The following TLL1 variants were observed in gnomAD, a reference collection of about 807,000 sequenced individuals.
TLL1 encodes the protein tolloid-like protein 1.
In TLL1, 49 loss-of-function variants were observed where a neutral mutation model predicts 128.2. That is an observed-to-expected ratio of 0.38 (90% CI 0.30 to 0.48). The LOEUF is 0.48. Among genes scored for constraint, TLL1 ranks in the 20% least tolerant of loss-of-function variants. The pLI, the probability that TLL1 is intolerant of heterozygous loss-of-function variation, is 0.96. For missense variants in TLL1, 1,123 were observed against 1,242.0 expected (o/e 0.90, Z 1.44); for synonymous variants, 454 against 418.8 (o/e 1.08, Z -1.03).
chr4:165,972,771 G>T (rs1466788358), intron 1 of TLL1, among the ~76,000 whole-genome samples: 3 of 152,214 alleles, frequency 2.0e-5, no homozygotes, highest in Non-Finnish European at 4.4e-5. Context: ...CATGTCCATT[G>T]TGGTCAGTGA....
intron 12 of TLL1, among the ~76,000 whole-genome samples, chr4:166,046,916 T>G (rs1367796190): frequency 1.3e-5 from 2 of 152,204 alleles, no homozygotes; most frequent in Admixed American, 6.5e-5. Flanking sequence ...TTTATATATT[T>G]TCTTATTTGT....
chr4:166,016,366 A>G (rs140543161), intron 8 of TLL1, among the ~76,000 whole-genome samples: 5,715 of 152,186 alleles, frequency 0.038, 127 homozygotes, highest in Middle Eastern at 0.058. Context: ...TTTGTGTATA[A>G]AACTCTCTTG....
chr4:166,054,779 A>G (rs1013664906), intron 12 of TLL1, among the ~76,000 whole-genome samples: 22 of 152,034 alleles, frequency 1.4e-4, no homozygotes, highest in Non-Finnish European at 2.8e-4. Flanking sequence ...TATTGAATGA[A>G]GAATTTCTAC....
intron 1 of TLL1, among the ~76,000 whole-genome samples, chr4:165,966,108 G>C (rs753569324): frequency 5.3e-4 from 81 of 151,642 alleles, no homozygotes; most frequent in Non-Finnish European, 1.1e-3. Flanking sequence ...AACCTGGGAG[G>C]TGGAGGTTGC....
chr4:166,014,624 C>A (rs1338247160), intron 8 of TLL1, 64 bp downstream of exon 8: 1 of 1,598,778 alleles, frequency 6.3e-7, no homozygotes, highest in East Asian at 2.2e-5. Context: ...GATGAATAAG[C>A]CATGATTTAC....
At chr4:166,054,370 A>G (rs1240530647) in intron 12 of TLL1, among the ~76,000 whole-genome samples, 2 of 152,244 alleles carry the variant, frequency 1.3e-5, no homozygotes, top group Non-Finnish European at 2.9e-5. Context: ...ATTTGAATCC[A>G]AATCTTCTAT....
chr4:165,896,324 G>T (rs1250688986), intron 1 of TLL1, among the ~76,000 whole-genome samples: 1 of 152,034 alleles, frequency 6.6e-6, no homozygotes, highest in Non-Finnish European at 1.5e-5. Context: ...TGTTTATCCA[G>T]TTGATCATTG....
chr4:165,973,651 T>G (rs543611448), intron 1 of TLL1, among the ~76,000 whole-genome samples: 2 of 151,538 alleles, frequency 1.3e-5, no homozygotes, highest in East Asian at 3.9e-4. Context: ...AACAAGGGAG[T>G]AAGCATTAGT....
Position 166,057,172 on chromosome 4 carries a change from C to CTTCCT in TLL1, c.1721-12_1721-11insTTCCT. ...ATGTATAGTTGTTCTATAACTATGA[C>CTTCCT]CATTTTCATAGAGGAAGATGAGTGT... On this transcript the variant is annotated splice_polypyrimidine_tract_variant and intron_variant, in intron 13 of 20. Coordinates refer to ENST00000061240, the MANE Select transcript of TLL1 (RefSeq NM_012464.5). The CTTCCT allele has an allele frequency of 6.2e-7, 1 of 1,613,440 alleles. No individual in the cohort carries two copies. Among genetic ancestry groups the CTTCCT allele is most frequent in the South Asian group, 1.1e-5 (1 of 91,070 alleles).
intron 6 of TLL1, among the ~76,000 whole-genome samples, chr4:166,004,901 AACTCATTT>A (rs1737342964): frequency 2.0e-5 from 3 of 151,696 alleles, no homozygotes; most frequent in Admixed American, 6.6e-5. Flanking sequence ...AAATAAAGAG[AACTCATTT>A]TCCCAGTCAG....
In TLL1 at chr4:165,998,775, G is replaced by C. The variant is rs184119569; in HGVS notation, c.632+3597G>C. On this transcript the variant is annotated intron_variant, in intron 5 of 20. Coordinates refer to ENST00000061240, the MANE Select transcript of TLL1 (RefSeq NM_012464.5). The stretch of plus-strand genomic sequence containing the variant: ...TTGCACCACTGCACTCCAGCCTGGG[G>C]GACAGAGCAAGACTCTGTCTTCAAA... 4.1e-3 allele frequency among the ~76,000 whole-genome samples: 623 copies of C among 151,300 alleles called. 3 individuals carry two copies. The highest frequency in any genetic ancestry group is 0.015 in the African/African-American group (596 of 41,026).
At chr4:166,057,361 T>C (rs1740070081) in intron 14 of TLL1, 52 bp downstream of exon 14, 2 of 1,602,164 alleles carry the variant, frequency 1.2e-6, no homozygotes, top group East Asian at 4.5e-5. Flanking sequence ...ATTTATTTCT[T>C]ATATTCTCAT....
rs768711308 is a variant in TLL1 at position 166,057,317 on chromosome 4, T to G, written c.1846+8T>G. On this transcript the variant is annotated splice_region_variant and intron_variant, in intron 14 of 20. Transcript: ENST00000061240. ...ACAGAAGGAGCTGTGAAGGTATGAC[T>G]GCACTCCTTCCTGGACCCCCACCCC... 1 of 1,613,610 alleles carries G rather than the reference T, an allele frequency of 6.2e-7. No homozygotes were observed. The highest frequency in any genetic ancestry group is 8.5e-7 in the Non-Finnish European group (1 of 1,179,904).
chr4:166,068,496 A>G (rs1740672662), intron 16 of TLL1, among the ~76,000 whole-genome samples: 1 of 151,850 alleles, frequency 6.6e-6, no homozygotes, highest in Non-Finnish European at 1.5e-5. Context: ...AAGATATTAT[A>G]CTTCACAAAC....
At position 166,060,082 on chromosome 4, in the gene TLL1, G is replaced by T; in HGVS notation, c.1901G>T (p.Trp634Leu). 6.2e-7 allele frequency: 1 copy of T among 1,613,710 alleles called. No homozygotes were observed. The highest frequency in any genetic ancestry group is 8.5e-7 in the Non-Finnish European group (1 of 1,179,860). ...AACGGCACCATAACCACCCCTGGCTGGCCCAAGGAGTACCCTCCTAATAAG... is the reference window on the plus strand; with the variant it reads ...AACGGCACCATAACCACCCCTGGCTTGCCCAAGGAGTACCCTCCTAATAAG... ...KLNGTITTPG[W>L]PKEYPPNKNC... Residue 634 changes from tryptophan to leucine, a missense_variant, in exon 15 of 21, where the codon TGG (tryptophan) becomes TTG (leucine). Around this residue, in one of 3 missense-constraint regions of TLL1, gnomAD observed 634 missense variants for 672.4 expected, o/e 0.94. Coordinates refer to ENST00000061240, the MANE Select transcript of TLL1 (RefSeq NM_012464.5).
At chr4:166,003,190 A>G (rs1560803785) in intron 5 of TLL1, among the ~76,000 whole-genome samples, 1 of 152,306 alleles carries the variant, frequency 6.6e-6, no homozygotes, top group South Asian at 2.1e-4. Context: ...AAAGCACTTG[A>G]ACTGATTATT....
rs2279724 is a variant in TLL1 at position 166,100,528 on chromosome 4, G to A, written c.2908-214G>A. On this transcript the variant is annotated intron_variant, in intron 20 of 20. Transcript: ENST00000061240. ...ATGTTCAGAGCTCAGCTACATCACC[G>A]ACTAGTCGCGTGAGCTCTAGCATGT... Among the ~76,000 whole-genome samples, 15,314 of 152,066 alleles carry A rather than the reference G, an allele frequency of 0.1. 1,275 individuals are homozygous for A. The highest frequency in any genetic ancestry group is 0.42 in the East Asian group (2,172 of 5,126).
At chr4:165,883,674 T>C (rs555270490) in intron 1 of TLL1, among the ~76,000 whole-genome samples, 1 of 152,188 alleles carries the variant, frequency 6.6e-6, no homozygotes, top group Non-Finnish European at 1.5e-5. Flanking sequence ...AACTACTTAT[T>C]TGTGGAGAGA....
At position 166,091,193 on chromosome 4, in the gene TLL1, T is replaced by C; in HGVS notation, c.2508T>C (p.Asp836=). Residue 836 remains aspartate (D), a synonymous_variant, in exon 19 of 21, where the codon GAT becomes GAC. Coordinates refer to ENST00000061240, the MANE Select transcript of TLL1 (RefSeq NM_012464.5). ...ECAYDHLEVF[D]GETEKSPILG... Reference sequence around the variant, plus strand: ...CTTATGACCACTTAGAAGTATTTGATGGAGAAACAGAAAAGTCACCGATTC... The same window carrying C: ...CTTATGACCACTTAGAAGTATTTGACGGAGAAACAGAAAAGTCACCGATTC... The C allele has an allele frequency of 6.2e-7, 1 of 1,613,244 alleles. No individual in the cohort carries two copies. The highest frequency in any genetic ancestry group is 2.2e-5 in the East Asian group (1 of 44,734).
Sources: allele counts gnomAD v4.1 joint callset (sites outside exome capture counted in the v4.1 genomes callset), GRCh38; gene constraint gnomAD v4.1.1; regional missense constraint gnomAD v4.1.1; transcripts MANE v1.5; gene names NCBI Gene and HGNC (gene_info 2026-07-23, HGNC 2026-07-21).